The following CLASP1 variants were observed in gnomAD, a reference collection of about 807,000 sequenced individuals.
CLASP1 encodes CLIP-associating protein 1.
Under a neutral mutation model 192.3 loss-of-function variants are expected in CLASP1, and 38 were observed. The ratio of observed to expected loss-of-function variants is 0.20; its 90% CI spans 0.15 to 0.26. CLASP1 has a LOEUF of 0.26. CLASP1 is among the 10% of genes least tolerant of loss of function. CLASP1 has a pLI of 1.00. For missense variants in CLASP1, 1,433 were observed against 1,932.5 expected (o/e 0.74, Z 4.85); for synonymous variants, 691 against 712.8 (o/e 0.97, Z 0.49).
At chr2:121,567,656 C>T (rs965048074) in intron 2 of CLASP1, among the ~76,000 whole-genome samples, 1 of 152,202 alleles carries the variant, frequency 6.6e-6, no homozygotes, top group Non-Finnish European at 1.5e-5. Flanking sequence ...AATTTTTCTC[C>T]CTTTAACTCC....
Position 121,371,241 on chromosome 2 carries a change from T to A in CLASP1, c.3643-3410A>T, listed in dbSNP as rs573277263. ...TGTGTATATATACATATATATATAT[T>A]TTTTTAAGGGACACAATCTTACTCT... On this transcript the variant is annotated intron_variant, in intron 34 of 39. Transcript: ENST00000263710. 2.4e-4 allele frequency among the ~76,000 whole-genome samples: 36 copies of A among 151,692 alleles called. 1 individual carries two copies. The highest frequency in any genetic ancestry group is 1.6e-3 in the East Asian group (8 of 5,136).
exon 20 of CLASP1, chr2:121,430,075 T>G (rs960375642): frequency 6.4e-7 from 1 of 1,561,412 alleles, no homozygotes; most frequent in African/African-American, 1.4e-5. Flanking sequence ...TTTCTTACGC[T>G]GGGACTGTGA....
At chr2:121,462,810 T>C (rs927070505) in intron 9 of CLASP1, among the ~76,000 whole-genome samples, 30 of 152,252 alleles carry the variant, frequency 2.0e-4, no homozygotes, top group Admixed American at 9.2e-4. Context: ...AATTCTACAA[T>C]GCTATATACA....
At chr2:121,496,438 C>T (rs1311407805) in intron 8 of CLASP1, among the ~76,000 whole-genome samples, 1 of 152,142 alleles carries the variant, frequency 6.6e-6, no homozygotes, top group African/African-American at 2.4e-5. Context: ...TCTCTGTCAG[C>T]TCCAGCTCAT....
At chr2:121,528,606 A>T in intron 4 of CLASP1, 71 bp downstream of exon 4, 1 of 1,173,860 alleles carries the variant, frequency 8.5e-7, no homozygotes, top group Non-Finnish European at 1.3e-6. Context: ...GTGCAAGTAC[A>T]CACACACACC....
chr2:121,580,398 T>C (rs1194029066), intron 2 of CLASP1, among the ~76,000 whole-genome samples: 3 of 152,208 alleles, frequency 2.0e-5, no homozygotes, highest in Non-Finnish European at 4.4e-5. Context: ...GTATGCCTAT[T>C]GCGAGGTATT....
intron 8 of CLASP1, chr2:121,470,292 G>GTTTT (rs1559333650): frequency 1.9e-5 from 5 of 260,142 alleles, no homozygotes; most frequent in Admixed American, 5.6e-5. Flanking sequence ...GACCATCCAT[G>GTTTT]CTTTTTTTTT....
intron 2 of CLASP1, among the ~76,000 whole-genome samples, chr2:121,551,918 G>T (rs1427842900): frequency 1.3e-5 from 2 of 152,024 alleles, no homozygotes; most frequent in East Asian, 1.9e-4. Flanking sequence ...AAAGAACAAG[G>T]CTGAAGGCAT....
At chr2:121,554,996 A>T (rs1013734528) in intron 2 of CLASP1, among the ~76,000 whole-genome samples, 1 of 152,206 alleles carries the variant, frequency 6.6e-6, no homozygotes, top group Non-Finnish European at 1.5e-5. Context: ...AGTATTTCTT[A>T]TATCTCTATC....
At chr2:121,585,488 C>G (rs2061613501) in intron 2 of CLASP1, among the ~76,000 whole-genome samples, 1 of 152,134 alleles carries the variant, frequency 6.6e-6, no homozygotes, top group South Asian at 2.1e-4. Flanking sequence ...TGCCAGCGTT[C>G]CCATTTCTAG....
exon 40 of CLASP1, chr2:121,338,128 C>T (rs2062487406): frequency 1.3e-5 from 2 of 152,220 alleles, no homozygotes; most frequent in Admixed American, 6.5e-5. Flanking sequence ...TTCTTATTTG[C>T]TGTCCTTTAA....
chr2:121,481,829 T>C (rs1455748324), intron 8 of CLASP1, among the ~76,000 whole-genome samples: 1 of 152,196 alleles, frequency 6.6e-6, no homozygotes, highest in African/African-American at 2.4e-5. Context: ...GTAAGCATGC[T>C]TGTGTCTGAA....
At chr2:121,510,643 C>A (rs2094103159) in intron 7 of CLASP1, among the ~76,000 whole-genome samples, 1 of 151,304 alleles carries the variant, frequency 6.6e-6, no homozygotes, top group Non-Finnish European at 1.5e-5. Context: ...ACAAAAAATA[C>A]AGAAATTACC....
At chr2:121,489,535 A>G (rs943465946) in intron 8 of CLASP1, among the ~76,000 whole-genome samples, 2 of 152,244 alleles carry the variant, frequency 1.3e-5, no homozygotes, top group East Asian at 1.9e-4. Flanking sequence ...ACAAATTAAG[A>G]GTCTGCCAGC....
chr2:121,452,566 G>A (rs1290645690), intron 14 of CLASP1, among the ~76,000 whole-genome samples: 6 of 152,152 alleles, frequency 3.9e-5, no homozygotes, highest in East Asian at 3.9e-4. Flanking sequence ...CAAGGCGGGC[G>A]GATCACTTGA....
intron 1 of CLASP1, among the ~76,000 whole-genome samples, chr2:121,641,306 G>A (rs544167397): frequency 6.6e-6 from 1 of 150,514 alleles, no homozygotes; most frequent in African/African-American, 2.4e-5. Flanking sequence ...AACTTGTGTA[G>A]CCCCAGAAGC....
exon 22 of CLASP1, chr2:121,425,257 A>G: frequency 6.2e-7 from 1 of 1,612,716 alleles, no homozygotes. Flanking sequence ...CAGTAAGTCC[A>G]CCATAACCAC....
intron 2 of CLASP1, among the ~76,000 whole-genome samples, chr2:121,543,189 G>A (rs2095267039): frequency 6.6e-6 from 1 of 152,102 alleles, no homozygotes; most frequent in African/African-American, 2.4e-5. Flanking sequence ...GTAAAAATAA[G>A]GCCGGTTATG....
chr2:121,360,992 G>C (rs2066288947), intron 37 of CLASP1, among the ~76,000 whole-genome samples: 1 of 151,958 alleles, frequency 6.6e-6, no homozygotes, highest in Admixed American at 6.6e-5. Context: ...CAAGAAAAAA[G>C]CAAATAACAA....
Sources: allele counts gnomAD v4.1 joint callset (sites outside exome capture counted in the v4.1 genomes callset), GRCh38; gene constraint gnomAD v4.1.1; transcripts MANE v1.5; gene names NCBI Gene and HGNC (gene_info 2026-07-23, HGNC 2026-07-21).